Variants in CDC42BPA observed in about 807,000 individuals in gnomAD.
The protein encoded by CDC42BPA is serine/threonine-protein kinase MRCK alpha.
Under a neutral mutation model 223.5 loss-of-function variants are expected in CDC42BPA, and 80 were observed. That is an observed-to-expected ratio of 0.36 (90% CI 0.30 to 0.43). CDC42BPA has a LOEUF of 0.43. Ranked by LOEUF, CDC42BPA falls within the 20% of genes least tolerant of loss-of-function variation. CDC42BPA has a pLI of 1.00. For synonymous variants in CDC42BPA, 694 were observed against 718.6 expected, an observed-to-expected ratio of 0.97 and a Z score of 0.55; for missense variants, 1,743 against 2,099.9, an observed-to-expected ratio of 0.83 and a Z score of 3.32.
Position 227,029,160 on chromosome 1 carries a change from C to T in CDC42BPA, c.3929G>A (p.Arg1310His), listed in dbSNP as rs752231516. The T allele has an allele frequency of 4.4e-6, 7 of 1,604,674 alleles. No individual in the cohort carries two copies. The highest frequency in any genetic ancestry group is 1.3e-5 in the African/African-American group (1 of 74,918). Reference sequence around the variant, plus strand: ...TGACATAGGAAAAAGTCGTACATGACGATTTCGTCCTGAGATCACAGCAAC... The same window carrying T: ...TGACATAGGAAAAAGTCGTACATGATGATTTCGTCCTGAGATCACAGCAAC... The part of the protein sequence containing the change: ...QLVAVISGRN[R>H]HVRLFPMSAL... The change falls in exon 30 of 37, where the codon CGT becomes CAT. Residue 1310 changes from arginine (R) to histidine (H), a missense_variant. Arg to His is a conservative substitution (Grantham distance 29). Transcript: ENST00000366766.
chr1:227,039,858 G>C (rs1671016916), intron 24 of CDC42BPA, among the ~76,000 whole-genome samples: 1 of 78,364 alleles, frequency 1.3e-5, no homozygotes, highest in Non-Finnish European at 2.6e-5. Context: ...AAAATTCAAT[G>C]AATTTTCTTC....
chr1:227,033,223 GAATAT>G, intron 27 of CDC42BPA, 106 bp downstream of exon 27: 1 of 652,374 alleles, frequency 1.5e-6, no homozygotes, highest in Non-Finnish European at 2.7e-6. Flanking sequence ...ATATATAAAA[GAATAT>G]AAGATTTGGT....
At chr1:227,224,846 C>T (rs527816292) in intron 2 of CDC42BPA, among the ~76,000 whole-genome samples, 3 of 152,100 alleles carry the variant, frequency 2.0e-5, no homozygotes, top group Admixed American at 6.5e-5. Context: ...GGTACAAAAA[C>T]GTTTTATAAG....
chr1:227,155,135 C>T (rs1377317662), intron 6 of CDC42BPA, among the ~76,000 whole-genome samples: 1 of 152,078 alleles, frequency 6.6e-6, no homozygotes, highest in African/African-American at 2.4e-5. Flanking sequence ...TAATGACCCA[C>T]ACAAAGTCAA....
chr1:227,136,852 A>G (rs1475566439), intron 10 of CDC42BPA, among the ~76,000 whole-genome samples: 4 of 152,210 alleles, frequency 2.6e-5, no homozygotes, highest in African/African-American at 7.2e-5. Flanking sequence ...ACAAAATCCT[A>G]TCAAGAATTT....
intron 16 of CDC42BPA, among the ~76,000 whole-genome samples, chr1:227,089,960 T>C (rs1371221522): frequency 6.6e-6 from 1 of 152,168 alleles, no homozygotes; most frequent in Non-Finnish European, 1.5e-5. Flanking sequence ...TTCTGTCTTA[T>C]AGGACAAAAT....
intron 5 of CDC42BPA, among the ~76,000 whole-genome samples, chr1:227,177,967 C>T (rs375550112): frequency 1.3e-5 from 2 of 151,900 alleles, no homozygotes; most frequent in East Asian, 3.9e-4. Flanking sequence ...TGTATTTTTC[C>T]GTCCTAAAAT....
intron 15 of CDC42BPA, among the ~76,000 whole-genome samples, chr1:227,094,735 A>G (rs1683681252): frequency 6.6e-6 from 1 of 152,232 alleles, no homozygotes; most frequent in Non-Finnish European, 1.5e-5. Context: ...TTGACTCAAT[A>G]TTCAGGTGTA....
intron 1 of CDC42BPA, among the ~76,000 whole-genome samples, chr1:227,281,894 T>C (rs1688066895): frequency 6.6e-6 from 1 of 151,950 alleles, no homozygotes; most frequent in Non-Finnish European, 1.5e-5. Context: ...GTTCTAATAA[T>C]TAAAAGGAAG....
At chr1:227,285,320 A>G (rs573875615) in intron 1 of CDC42BPA, among the ~76,000 whole-genome samples, 49 of 152,226 alleles carry the variant, frequency 3.2e-4, no homozygotes, top group African/African-American at 1.0e-3. Context: ...TAGCAATCAT[A>G]TATTTTTTGA....
Position 227,035,525 on chromosome 1 carries a change from G to T in CDC42BPA, c.3282C>A (p.Pro1094=). The change falls in exon 25 of 37, where the codon CCC becomes CCA. Residue 1094 remains proline, a synonymous_variant. Transcript: ENST00000366766. ...CPVPPEQTKG[P]LGIDPQKGIG... ...TTCCTTTCTGAGGATCTATACCCAG[G>T]GGACCTTTTGTCTGTTCAGGAGGAA... The T allele has an allele frequency of 6.2e-7, 1 of 1,611,480 alleles. No individual in the cohort carries two copies. The highest frequency in any genetic ancestry group is 8.5e-7 in the Non-Finnish European group (1 of 1,178,964).
intron 16 of CDC42BPA, among the ~76,000 whole-genome samples, chr1:227,089,946 A>G (rs1682772450): frequency 6.6e-6 from 1 of 152,218 alleles, no homozygotes; most frequent in Non-Finnish European, 1.5e-5. Context: ...ACAGAATCTT[A>G]AAATTCTGTC....
intron 4 of CDC42BPA, among the ~76,000 whole-genome samples, chr1:227,198,438 C>CAAAAAAAAAAAAAAAA (rs1176604134): frequency 3.9e-5 from 2 of 51,518 alleles, no homozygotes; most frequent in Non-Finnish European, 7.8e-5. Context: ...ATCCAGCAAA[C>CAAAAAAAAAAAAAAAA]AAAAAAAAAA....
chr1:227,238,567 A>AT (rs1679489751), intron 2 of CDC42BPA, among the ~76,000 whole-genome samples: 1 of 152,216 alleles, frequency 6.6e-6, no homozygotes, highest in Admixed American at 6.5e-5. Context: ...AATCTAAAAT[A>AT]TTTACTGTCA....
chr1:227,235,444 T>C (rs973562153), intron 2 of CDC42BPA: 2 of 152,204 alleles, frequency 1.3e-5, no homozygotes, highest in African/African-American at 4.8e-5. Context: ...GCAAGTTGAA[T>C]ATAGCAAGTG....
chr1:227,042,262 C>T (rs1671515811), intron 23 of CDC42BPA, among the ~76,000 whole-genome samples: 1 of 147,702 alleles, frequency 6.8e-6, no homozygotes, highest in Admixed American at 6.7e-5. Flanking sequence ...TAGTAATTCT[C>T]CATAATACCT....
intron 5 of CDC42BPA, among the ~76,000 whole-genome samples, chr1:227,165,384 C>A (rs73086786): frequency 6.6e-6 from 1 of 152,196 alleles, no homozygotes; most frequent in Non-Finnish European, 1.5e-5. Context: ...TGACTTGATA[C>A]ATGATTTGAT....
chr1:227,254,641 G>A (rs1319915747), intron 1 of CDC42BPA, among the ~76,000 whole-genome samples: 1 of 152,138 alleles, frequency 6.6e-6, no homozygotes, highest in East Asian at 1.9e-4. Flanking sequence ...GCAATGACTG[G>A]AGTTTTTAAA....
At position 227,034,528 on chromosome 1, in the gene CDC42BPA, A is replaced by G. The variant is rs1308712932; in HGVS notation, c.3476+127T>C. 8 of 845,190 alleles carry G rather than the reference A, an allele frequency of 9.5e-6. 1 individual carries two copies. The South Asian group carries it at 1.3e-4, about 14-fold the overall frequency. 52.4% of individuals were successfully genotyped at this position (845,190 alleles called of 1,614,324 possible). On this transcript the variant is annotated intron_variant, in intron 26 of 36. Transcript: ENST00000366766. Reference sequence around the variant, plus strand: ...TTTTCAATTCTGTTTCTATAGCAATATTAGCAAATTAGAAAATACGAAATT... The same window carrying G: ...TTTTCAATTCTGTTTCTATAGCAATGTTAGCAAATTAGAAAATACGAAATT...
Sources: allele counts gnomAD v4.1 joint callset (sites outside exome capture counted in the v4.1 genomes callset), GRCh38; gene constraint gnomAD v4.1.1; transcripts MANE v1.5; gene names NCBI Gene and HGNC (gene_info 2026-07-23, HGNC 2026-07-21).